Variants in BDH1 observed in about 807,000 individuals in gnomAD.
BDH1 encodes D-beta-hydroxybutyrate dehydrogenase, mitochondrial.
A neutral mutation model predicts 33.1 loss-of-function variants in BDH1; 30 were observed. The ratio of observed to expected loss-of-function variants is 0.91; its 90% CI spans 0.68 to 1.23. BDH1 has a LOEUF of 1.23. BDH1 is among the 50% of genes most tolerant of loss of function. The pLI is 0.00. For missense variants in BDH1, 443 were observed against 464.4 expected (o/e 0.95, Z 0.42); for synonymous variants, 190 against 183.6 (o/e 1.03, Z -0.28).
chr3:197,546,184 G>A (rs1191144268), intron 3 of BDH1, 177 bp downstream of exon 3: 5 of 593,722 alleles, frequency 8.4e-6, no homozygotes, highest in Admixed American at 2.9e-5. Flanking sequence ...TCTGCCCTGT[G>A]TGCCCTGGGA....
intron 3 of BDH1, chr3:197,538,465 C>A: frequency 1.1e-5 from 5 of 443,204 alleles, no homozygotes; most frequent in South Asian, 8.1e-5. Flanking sequence ...GATTCTCCTG[C>A]CTCAGCCTCC....
chr3:197,566,523 TTCTATGGAACAAAGTTCCATCAAAGCCA>T, intron 1 of BDH1, among the ~76,000 whole-genome samples: 1 of 152,316 alleles, frequency 6.6e-6, no homozygotes, highest in South Asian at 2.1e-4. Context: ...CTGAGATTCC[TTCTATGGAACAAAGTTCCATCAAAGCCA>T]ATTTAAAAGC....
chr3:197,531,787 A>C (rs1714686605), intron 5 of BDH1, among the ~76,000 whole-genome samples: 1 of 152,062 alleles, frequency 6.6e-6, no homozygotes, highest in Non-Finnish European at 1.5e-5. Context: ...TAACTGGGGC[A>C]CTGCCCACTG....
chr3:197,571,111 T>C (rs11708643), intron 1 of BDH1, among the ~76,000 whole-genome samples: 26,562 of 152,236 alleles, frequency 0.17, 2,882 homozygotes, highest in African/African-American at 0.3. Flanking sequence ...TGCTGGATTT[T>C]GGACTTTCAT....
chr3:197,532,353 A>G, intron 5 of BDH1, 59 bp downstream of exon 5: 3 of 1,479,978 alleles, frequency 2.0e-6, no homozygotes, highest in Non-Finnish European at 2.8e-6. Flanking sequence ...TTTTTAAAAG[A>G]CTAAAAAACA....
chr3:197,512,377 A>G lies in BDH1; in HGVS notation c.563-13T>C, dbSNP rs745845198. The G allele has an allele frequency of 2.5e-6, 4 of 1,593,518 alleles. No individual in the cohort carries two copies. In the African/African-American group the frequency reaches 5.3e-5, roughly 21 times the overall value. ...TTGACGACGCGGCCTACAGAGGGAGACAGAGGTACCTGCTAAGCCGTTACT... is the reference window on the plus strand; with the variant it reads ...TTGACGACGCGGCCTACAGAGGGAGGCAGAGGTACCTGCTAAGCCGTTACT... On this transcript the variant is annotated splice_polypyrimidine_tract_variant and intron_variant, in intron 7 of 7. Coordinates refer to ENST00000392379, the MANE Select transcript of BDH1 (RefSeq NM_203314.3).
Position 197,516,918 on chromosome 3 carries a change from C to T in BDH1, c.410-2502G>A, listed in dbSNP as rs370446717. Among the ~76,000 whole-genome samples the T allele has an allele frequency of 1.4e-4, 21 of 152,212 alleles. No homozygotes were observed. In the South Asian group the frequency reaches 3.3e-3, roughly 24 times the overall value. ...AATAGATCCTAAATTGTCTCATATCCGGTTGAGGCAACTGAAGCTCAGAGA... is the reference window on the plus strand; with the variant it reads ...AATAGATCCTAAATTGTCTCATATCTGGTTGAGGCAACTGAAGCTCAGAGA... On this transcript the variant is annotated intron_variant, in intron 6 of 7. Transcript: ENST00000392379. The surrounding 1 kb of genome is among the most constrained non-coding windows in gnomAD (Gnocchi z 4.2).
chr3:197,544,872 C>A (rs1267743581), intron 3 of BDH1, among the ~76,000 whole-genome samples: 2 of 152,236 alleles, frequency 1.3e-5, no homozygotes, highest in Non-Finnish European at 2.9e-5. Flanking sequence ...CATGGCAAAA[C>A]CCCATCTCTA....
chr3:197,544,972 C>T (rs775967816), intron 3 of BDH1, among the ~76,000 whole-genome samples: 4 of 152,172 alleles, frequency 2.6e-5, no homozygotes, highest in Non-Finnish European at 5.9e-5. Context: ...TGCTTGAACC[C>T]GGGAGGCAGA....
upstream of BDH1, among the ~76,000 whole-genome samples, chr3:197,557,465 C>A (rs1717105088): frequency 1.3e-5 from 2 of 152,208 alleles, no homozygotes; most frequent in African/African-American, 4.8e-5. The surrounding 1 kb of genome is among the most constrained non-coding windows in gnomAD (Gnocchi z 4.6). Flanking sequence ...AAACTGTAGA[C>A]CGGGTGCGGT....
intron 1 of BDH1, among the ~76,000 whole-genome samples, chr3:197,568,806 C>A (rs1717514612): frequency 6.6e-6 from 1 of 151,910 alleles, no homozygotes. Flanking sequence ...GCTACAGCAA[C>A]CCATGCAATT....
At position 197,516,410 on chromosome 3, in the gene BDH1, C is replaced by T. The variant is rs547252874; in HGVS notation, c.410-1994G>A. Reference sequence around the variant, plus strand: ...ATGAAACATGACCTGTGAAAGTGCACAGCCCCTGGATTACAGCTTTAATGA... The same window carrying T: ...ATGAAACATGACCTGTGAAAGTGCATAGCCCCTGGATTACAGCTTTAATGA... On this transcript the variant is annotated intron_variant, in intron 6 of 7. Transcript: ENST00000392379. The surrounding 1 kb of genome is among the most constrained non-coding windows in gnomAD (Gnocchi z 4.2). Among the ~76,000 whole-genome samples the T allele has an allele frequency of 3.9e-5, 6 of 152,324 alleles. No individual in the cohort carries two copies. The highest frequency in any genetic ancestry group is 3.9e-4 in the Admixed American group (6 of 15,308).
upstream of BDH1, among the ~76,000 whole-genome samples, chr3:197,560,502 G>C (rs1717223185): frequency 6.6e-6 from 1 of 152,166 alleles, no homozygotes; most frequent in Admixed American, 6.5e-5. Context: ...TCCTGTTCCA[G>C]CCAATGGAAA....
intron 6 of BDH1, among the ~76,000 whole-genome samples, chr3:197,519,972 C>T (rs1220246845): frequency 2.0e-5 from 3 of 152,136 alleles, no homozygotes; most frequent in African/African-American, 7.2e-5. Flanking sequence ...AACTCGCCAA[C>T]CAAATGTGCC....
chr3:197,547,268 AG>A (rs1249281020), intron 2 of BDH1, among the ~76,000 whole-genome samples: 1 of 152,244 alleles, frequency 6.6e-6, no homozygotes, highest in African/African-American at 2.4e-5. Flanking sequence ...TTCTGTTAAT[AG>A]TGATTCCTCC....
intron 3 of BDH1, among the ~76,000 whole-genome samples, chr3:197,534,384 T>C (rs1302895733): frequency 2.0e-5 from 3 of 152,246 alleles, no homozygotes; most frequent in Non-Finnish European, 2.9e-5. Context: ...TGGAGATTCA[T>C]CCAGATTGTT....
intron 3 of BDH1, among the ~76,000 whole-genome samples, chr3:197,542,448 G>T (rs1468355088): frequency 6.6e-6 from 1 of 151,626 alleles, no homozygotes; most frequent in Non-Finnish European, 1.5e-5. Context: ...AACACCAACA[G>T]CTATGCCGGT....
In BDH1 at chr3:197,523,577, C is replaced by CG. The variant is rs1236575472; in HGVS notation, c.268-797dup. On this transcript the variant is annotated intron_variant, in intron 5 of 7. Transcript: ENST00000392379. The surrounding 1 kb of genome is among the most constrained non-coding windows in gnomAD (Gnocchi z 4.5). ...AAACAGGAGAAAGGCGTCACTCGCT[C>CG]GGCAAACATTTCTTGGGCCCCTATC... Among the ~76,000 whole-genome samples, 2 of 152,220 alleles carry CG rather than the reference C, an allele frequency of 1.3e-5. No homozygotes were observed. Among genetic ancestry groups the CG allele is most frequent in the Non-Finnish European group, 2.9e-5 (2 of 68,042 alleles).
At chr3:197,561,120 C>T (rs1560346528) in intron 1 of BDH1, among the ~76,000 whole-genome samples, 2 of 152,176 alleles carry the variant, frequency 1.3e-5, no homozygotes, top group Non-Finnish European at 1.5e-5. Context: ...AGACTTGTCT[C>T]AGATTTGGGG....
Sources: allele counts gnomAD v4.1 joint callset (sites outside exome capture counted in the v4.1 genomes callset), GRCh38; gene constraint gnomAD v4.1.1; non-coding constraint Gnocchi (gnomAD v3.1); transcripts MANE v1.5; gene names NCBI Gene and HGNC (gene_info 2026-07-23, HGNC 2026-07-21).